Variants in AKAP6 observed in about 807,000 individuals in gnomAD.
AKAP6 encodes A-kinase anchoring protein 6.
A neutral mutation model predicts 188.5 loss-of-function variants in AKAP6; 58 were observed. That is an observed-to-expected ratio of 0.31 (90% CI 0.25 to 0.38). The LOEUF (loss-of-function observed/expected upper bound fraction) is 0.38, where lower values mean the gene tolerates loss of function less well. AKAP6 is among the 10% of genes least tolerant of loss of function. The probability of loss-of-function intolerance (pLI) is 1.00; values close to 1 mark genes in which losing one functional copy is unlikely to be tolerated. For missense variants in AKAP6, 2,710 were observed against 2,740.0 expected, an observed-to-expected ratio of 0.99 and a Z score of 0.24; for synonymous variants, 989 against 998.6, an observed-to-expected ratio of 0.99 and a Z score of 0.18.
At chr14:32,781,754 A>T (rs1333672962) in intron 12 of AKAP6, among the ~76,000 whole-genome samples, 1 of 152,194 alleles carries the variant, frequency 6.6e-6, no homozygotes, top group East Asian at 1.9e-4. Context: ...ATACTTGAAA[A>T]CAATCAATGT....
intron 12 of AKAP6, among the ~76,000 whole-genome samples, chr14:32,815,008 A>C (rs550748337): frequency 6.6e-6 from 1 of 152,188 alleles, no homozygotes; most frequent in East Asian, 1.9e-4. Context: ...TATTTATGGG[A>C]AGAAAACCCC....
chr14:32,745,499 C>CTG (rs1209432481), intron 11 of AKAP6, among the ~76,000 whole-genome samples: 187 of 147,862 alleles, frequency 1.3e-3, no homozygotes, highest in African/African-American at 4.4e-3. Flanking sequence ...CTCTCTCTGT[C>CTG]TCTCTCTCTC....
intron 1 of AKAP6, among the ~76,000 whole-genome samples, chr14:32,410,242 C>G (rs12436868): frequency 0.64 from 96,432 of 151,828 alleles, 33,025 homozygotes; most frequent in Non-Finnish European, 0.76. Flanking sequence ...CCTATTCTCT[C>G]TGAAGTCTGC....
At chr14:32,590,928 A>G (rs1247532101) in intron 5 of AKAP6, among the ~76,000 whole-genome samples, 3 of 152,202 alleles carry the variant, frequency 2.0e-5, no homozygotes, top group Admixed American at 6.5e-5. Flanking sequence ...CCCCTCTCAA[A>G]TGCATGAAAC....
At chr14:32,574,135 G>T (rs1211990657) in intron 4 of AKAP6, among the ~76,000 whole-genome samples, 1 of 152,294 alleles carries the variant, frequency 6.6e-6, no homozygotes, top group South Asian at 2.1e-4. Context: ...CTAAAGGGAC[G>T]GGGTGCTTAG....
Position 32,822,158 on chromosome 14 carries a change from C to T in AKAP6, c.4345C>T (p.His1449Tyr), listed in dbSNP as rs2034541720. ...KVGDLNSITKHTPDCLGEELQ... is the reference protein window; with the variant it reads ...KVGDLNSITKYTPDCLGEELQ... ...TGGAGATTTAAACAGTATTACCAAACATACCCCTGACTGTTTGGGAGAAGA... is the reference window on the plus strand; with the variant it reads ...TGGAGATTTAAACAGTATTACCAAATATACCCCTGACTGTTTGGGAGAAGA... Residue 1449 changes from histidine (H) to tyrosine (Y), a missense_variant, in exon 13 of 14, where the codon CAT becomes TAT. Physicochemically the swap from His to Tyr is moderately conservative, Grantham distance 83. Coordinates refer to ENST00000280979, the MANE Select transcript of AKAP6 (RefSeq NM_004274.5). 6.2e-7 allele frequency: 1 copy of T among 1,613,774 alleles called. No homozygotes were observed. The highest frequency in any genetic ancestry group is 1.7e-5 in the Admixed American group (1 of 59,906).
At chr14:32,381,377 T>C (rs4145677) in intron 1 of AKAP6, among the ~76,000 whole-genome samples, 18,497 of 152,188 alleles carry the variant, frequency 0.12, 1,508 homozygotes, top group East Asian at 0.39. Context: ...TCTTATGATA[T>C]TTATGGAGAT....
intron 1 of AKAP6, among the ~76,000 whole-genome samples, chr14:32,406,983 T>C (rs955208297): frequency 6.6e-6 from 1 of 152,222 alleles, no homozygotes; most frequent in Non-Finnish European, 1.5e-5. Context: ...GCCGTAAGAC[T>C]GCTTCCTAGA....
At chr14:32,475,924 C>T (rs979215187) in intron 2 of AKAP6, among the ~76,000 whole-genome samples, 1 of 152,024 alleles carries the variant, frequency 6.6e-6, no homozygotes, top group South Asian at 2.1e-4. Context: ...ACCTCATGAT[C>T]CGCCCGCCTC....
chr14:32,802,975 G>A (rs1997900), intron 12 of AKAP6, among the ~76,000 whole-genome samples: 27,332 of 151,778 alleles, frequency 0.18, 3,145 homozygotes, highest in African/African-American at 0.32. Flanking sequence ...GTGTATGCCT[G>A]TAATCCTAGC....
chr14:32,590,934 G>A (rs1210735682), intron 5 of AKAP6, among the ~76,000 whole-genome samples: 2 of 152,134 alleles, frequency 1.3e-5, no homozygotes, highest in African/African-American at 4.8e-5. Flanking sequence ...TCAAATGCAT[G>A]AAACATGTGG....
intron 1 of AKAP6, among the ~76,000 whole-genome samples, chr14:32,372,768 CTCTGTGTGTG>C (rs1406549772): frequency 1.9e-5 from 1 of 52,610 alleles, no homozygotes; most frequent in Non-Finnish European, 3.6e-5. Context: ...CTTTTTGTTG[CTCTGTGTGTG>C]TGTGTGTGTG....
intron 7 of AKAP6, among the ~76,000 whole-genome samples, chr14:32,658,205 C>T (rs945686801): frequency 3.9e-5 from 6 of 151,948 alleles, no homozygotes; most frequent in African/African-American, 9.7e-5. Flanking sequence ...ATAAGGAAGA[C>T]GACAGTCTAT....
chr14:32,822,781 T>A lies in AKAP6; in HGVS notation c.4968T>A (p.Asp1656Glu). Residue 1656 changes from aspartate to glutamate, a missense_variant, in exon 13 of 14, where the codon GAT becomes GAA. Physicochemically the swap from Asp to Glu is conservative, Grantham distance 45. This residue lies in a region of AKAP6 where 2,473 missense variants were observed against 2,426.1 expected (regional missense o/e 1.02). Coordinates refer to ENST00000280979, the MANE Select transcript of AKAP6 (RefSeq NM_004274.5). The part of the protein sequence containing the change: ...SEQKIKRSVS[D>E]ITLQSSSQKM... Reference sequence around the variant, plus strand: ...AAAAGATAAAACGAAGTGTTTCTGATATCACTCTTCAAAGCAGTTCCCAAA... The same window carrying A: ...AAAAGATAAAACGAAGTGTTTCTGAAATCACTCTTCAAAGCAGTTCCCAAA... 1 of 1,613,964 alleles carries A rather than the reference T, an allele frequency of 6.2e-7. No individual in the cohort carries two copies. Among genetic ancestry groups the A allele is most frequent in the Non-Finnish European group, 8.5e-7 (1 of 1,179,922 alleles).
At chr14:32,365,170 ATC>A (rs1463497666) in intron 1 of AKAP6, among the ~76,000 whole-genome samples, 1 of 152,160 alleles carries the variant, frequency 6.6e-6, no homozygotes, top group Non-Finnish European at 1.5e-5. Flanking sequence ...GTTTTCTGGA[ATC>A]TCTCTAATCT....
intron 12 of AKAP6, among the ~76,000 whole-genome samples, chr14:32,811,622 CTA>C (rs2034237578): frequency 6.6e-6 from 1 of 152,170 alleles, no homozygotes; most frequent in Non-Finnish European, 1.5e-5. Flanking sequence ...GGATCTGATA[CTA>C]ACTCCAGATA....
At chr14:32,696,330 C>A (rs769825244) in intron 9 of AKAP6, among the ~76,000 whole-genome samples, 2 of 152,116 alleles carry the variant, frequency 1.3e-5, no homozygotes, top group Non-Finnish European at 2.9e-5. Context: ...ATTCTATTTG[C>A]TGTAATTCTA....
chr14:32,781,514 T>C (rs927581382), intron 12 of AKAP6, among the ~76,000 whole-genome samples: 4 of 152,194 alleles, frequency 2.6e-5, no homozygotes, highest in African/African-American at 9.7e-5. Context: ...ATATTAATTT[T>C]ATGCAAAGTT....
intron 7 of AKAP6, among the ~76,000 whole-genome samples, chr14:32,613,349 A>T (rs1157826317): frequency 6.6e-6 from 1 of 152,202 alleles, no homozygotes; most frequent in Non-Finnish European, 1.5e-5. Flanking sequence ...ACCATTTCTA[A>T]TGGGAATTTT....
Sources: gnomAD v4.1 joint callset for allele counts (sites outside exome capture counted in the v4.1 genomes callset) on GRCh38, gnomAD v4.1.1 for gene constraint, gnomAD v4.1.1 regional missense constraint, MANE v1.5 for transcripts, NCBI Gene and HGNC (gene_info 2026-07-23, HGNC 2026-07-21) for gene names.